CNTLN: variants seen among roughly 807,000 people sequenced by gnomAD.
The protein encoded by CNTLN is centlein, also known as centlein, centrosomal protein.
CNTLN carries 212 observed loss-of-function variants against 180.0 expected under a neutral mutation model. That is an observed-to-expected ratio of 1.18 (90% CI 1.05 to 1.32). CNTLN has a LOEUF of 1.32. Among genes scored for constraint, CNTLN ranks in the 40% most tolerant of loss-of-function variants. The pLI is 0.00. For synonymous variants in CNTLN, 722 were observed against 563.1 expected, an observed-to-expected ratio of 1.28 and a Z score of -3.99; for missense variants, 2,095 against 1,610.9, an observed-to-expected ratio of 1.30 and a Z score of -5.14.
intron 2 of CNTLN, among the ~76,000 whole-genome samples, chr9:17,144,898 G>A (rs113317845): frequency 2.0e-5 from 3 of 149,074 alleles, no homozygotes; most frequent in Non-Finnish European, 4.5e-5. Context: ...GCGGACTGCA[G>A]TGGCGCAATC....
At chr9:17,237,225 CTT>C (rs950118729) in intron 5 of CNTLN, among the ~76,000 whole-genome samples, 6 of 151,440 alleles carry the variant, frequency 4.0e-5, no homozygotes, top group African/African-American at 1.5e-4. Context: ...TTCTCTTTGT[CTT>C]TAGAGGTTTT....
At chr9:17,504,771 TGG>T (rs1833902526), downstream of CNTLN, among the ~76,000 whole-genome samples, 1 of 152,150 alleles carries the variant, frequency 6.6e-6, no homozygotes, top group Non-Finnish European at 1.5e-5. Context: ...GGATGGCCCT[TGG>T]AGACCAGAAA....
Position 17,409,346 on chromosome 9 carries a change from C to A in CNTLN, c.2669C>A (p.Thr890Lys). 6.2e-7 allele frequency: 1 copy of A among 1,613,264 alleles called. No individual in the cohort carries two copies. The highest frequency in any genetic ancestry group is 8.5e-7 in the Non-Finnish European group (1 of 1,179,648). ...SQTLGTIIVE[T>K]SQKISPTEDG... The stretch of plus-strand genomic sequence containing the variant: ...ACTTTGGGAACAATTATTGTAGAAA[C>A]ATCCCAGAAAATAAGTCCTACGGAA... Residue 890 changes from threonine to lysine, a missense_variant, in exon 16 of 26, where the codon ACA (threonine) becomes AAA (lysine). By Grantham distance (78) the Thr-to-Lys change is moderately conservative (BLOSUM62 -1). Coordinates refer to ENST00000380647, the MANE Select transcript of CNTLN (RefSeq NM_017738.4).
chr9:17,518,116 C>T, the CNTLN span, among the ~76,000 whole-genome samples: 93 of 123,298 alleles, frequency 7.5e-4, no homozygotes, highest in African/African-American at 2.9e-3. Flanking sequence ...GATCTGATCT[C>T]GGCTCACCGC....
At chr9:17,384,383 T>A (rs186048557) in intron 13 of CNTLN, among the ~76,000 whole-genome samples, 74 of 152,286 alleles carry the variant, frequency 4.9e-4, no homozygotes, top group Admixed American at 2.9e-3. Flanking sequence ...TTTAGAATAT[T>A]TGTGGCTGGT....
chr9:17,458,982 C>T lies in CNTLN; in HGVS notation c.3306+1267C>T, dbSNP rs1831297102. On this transcript the variant is annotated intron_variant, in intron 19 of 25. Transcript: ENST00000380647. ...GAGAAGATAAAATCATTGAGCTATTCCTTGATCTTATCTATCACATAGACT... is the reference window on the plus strand; with the variant it reads ...GAGAAGATAAAATCATTGAGCTATTTCTTGATCTTATCTATCACATAGACT... 3.3e-5 allele frequency among the ~76,000 whole-genome samples: 5 copies of T among 151,778 alleles called. No individual in the cohort carries two copies. The South Asian group carries it at 1.0e-3, about 32-fold the overall frequency.
At chr9:17,330,928 A>G in intron 9 of CNTLN, 120 bp downstream of exon 9, 1 of 870,398 alleles carries the variant, frequency 1.1e-6, no homozygotes. Flanking sequence ...ACTTTTGAAA[A>G]ATATTATGTA....
intron 2 of CNTLN, among the ~76,000 whole-genome samples, chr9:17,196,755 A>G (rs149572607): frequency 2.0e-5 from 3 of 152,026 alleles, no homozygotes; most frequent in East Asian, 1.9e-4. Context: ...CTGTTTATCT[A>G]TGGAGTATAT....
downstream of CNTLN, among the ~76,000 whole-genome samples, chr9:17,504,839 C>T (rs1278524430): frequency 6.6e-6 from 1 of 152,136 alleles, no homozygotes; most frequent in African/African-American, 2.4e-5. Flanking sequence ...CCTGTCAGCA[C>T]CTTGACTTTA....
chr9:17,417,399 T>C (rs1036605271), intron 18 of CNTLN, among the ~76,000 whole-genome samples: 3 of 152,110 alleles, frequency 2.0e-5, no homozygotes, highest in Non-Finnish European at 2.9e-5. Context: ...AAACTATCTG[T>C]ATTCCTAGGT....
intron 18 of CNTLN, among the ~76,000 whole-genome samples, chr9:17,438,775 A>C (rs1279275832): frequency 6.6e-6 from 1 of 152,186 alleles, no homozygotes; most frequent in Non-Finnish European, 1.5e-5. Context: ...TGTAGATGGC[A>C]TTTAAAAATG....
rs1833815860 is a variant in CNTLN at position 17,502,674 on chromosome 9, T to G, written c.*22T>G. ...ATGATATTAAAATGGAGAGCTTTAT[T>G]GCAAATGTGAAAACTTTTTATGTGG... On this transcript the variant is annotated 3_prime_UTR_variant, in exon 26 of 26. Transcript: ENST00000380647. 9.9e-7 allele frequency: 1 copy of G among 1,011,494 alleles called. No individual in the cohort carries two copies. The highest frequency in any genetic ancestry group is 3.1e-5 in the Admixed American group (1 of 32,730). The allele number at this position is 1,011,494 out of a possible 1,614,324, so 62.7% of individuals were successfully genotyped here.
chr9:17,233,853 A>T (rs1353509896), intron 3 of CNTLN, among the ~76,000 whole-genome samples: 1 of 152,194 alleles, frequency 6.6e-6, no homozygotes, highest in African/African-American at 2.4e-5. Context: ...AAATAGGGAC[A>T]TATATCTGTC....
chr9:17,295,989 AGAGAGAGAGTGTGTGTGTGTGTGT>A (rs1192528523), intron 6 of CNTLN, among the ~76,000 whole-genome samples: 3 of 83,368 alleles, frequency 3.6e-5, no homozygotes, highest in Admixed American at 1.3e-4. Flanking sequence ...AGAGAGAGAG[AGAGAGAGAGTGTGTGTGTGTGTGT>A]GTGTGTGTGT....
rs532304368 is a variant in CNTLN, at chr9:17,408,688, C to T, written c.2616-605C>T. Reference sequence around the variant, plus strand: ...TGGTGATGGGCGCCTGTAGTCCCAGCTACTTGGGATGCTGAGTCAGGAGAA... The same window carrying T: ...TGGTGATGGGCGCCTGTAGTCCCAGTTACTTGGGATGCTGAGTCAGGAGAA... On this transcript the variant is annotated intron_variant, in intron 15 of 25. Transcript: ENST00000380647. 3.6e-4 allele frequency among the ~76,000 whole-genome samples: 54 copies of T among 151,996 alleles called. 3 individuals carry two copies. The highest frequency in any genetic ancestry group is 1.2e-3 in the African/African-American group (50 of 41,474).
chr9:17,524,999 T>C, the CNTLN span, among the ~76,000 whole-genome samples: 312 of 152,226 alleles, frequency 2.0e-3, 2 homozygotes, highest in African/African-American at 7.1e-3. Flanking sequence ...CCATCAGAAA[T>C]AAAGACAAAA....
intron 3 of CNTLN, among the ~76,000 whole-genome samples, chr9:17,232,971 T>C (rs976984483): frequency 6.8e-6 from 1 of 148,030 alleles, no homozygotes; most frequent in South Asian, 2.2e-4. Context: ...CATTTTGATA[T>C]GGCCTAATAA....
chr9:17,262,632 G>C (rs1241400965), intron 5 of CNTLN, among the ~76,000 whole-genome samples: 1 of 151,068 alleles, frequency 6.6e-6, no homozygotes, highest in African/African-American at 2.5e-5. Context: ...CATATTTCGG[G>C]GTTAACACCT....
At chr9:17,473,902 T>C (rs1832178193) in intron 23 of CNTLN, among the ~76,000 whole-genome samples, 1 of 152,228 alleles carries the variant, frequency 6.6e-6, no homozygotes, top group South Asian at 2.1e-4. Flanking sequence ...TGATCACTCC[T>C]TCCTCCTTGA....
Sources: gnomAD v4.1 joint callset for allele counts (sites outside exome capture counted in the v4.1 genomes callset) on GRCh38, gnomAD v4.1.1 for gene constraint, MANE v1.5 for transcripts, NCBI Gene and HGNC (gene_info 2026-07-23, HGNC 2026-07-21) for gene names.